BCAT1: variants seen among roughly 807,000 people sequenced by gnomAD.
BCAT1 encodes the protein branched chain amino acid transaminase 1.
BCAT1 carries 48 observed loss-of-function variants against 52.4 expected under a neutral mutation model. The observed-to-expected ratio is 0.92, with a 90% CI of 0.73 to 1.16. The LOEUF (loss-of-function observed/expected upper bound fraction) is 1.16. BCAT1 is among the 50% of genes most tolerant of loss of function. The pLI, the probability that BCAT1 is intolerant of heterozygous loss-of-function variation, is 0.00. For missense variants in BCAT1, 451 were observed against 457.1 expected (o/e 0.99, Z 0.12); for synonymous variants, 167 against 161.3 (o/e 1.04, Z -0.27).
At chr12:24,860,319 G>A (rs1179953795) in intron 5 of BCAT1, among the ~76,000 whole-genome samples, 1 of 152,088 alleles carries the variant, frequency 6.6e-6, no homozygotes, top group Non-Finnish European at 1.5e-5. Flanking sequence ...ACTAATAAAA[G>A]AACAAAATAA....
At chr12:24,837,463 G>C (rs181184509) in intron 7 of BCAT1, among the ~76,000 whole-genome samples, 2 of 128,670 alleles carry the variant, frequency 1.6e-5, no homozygotes, top group Non-Finnish European at 3.3e-5. Flanking sequence ...TTTTTTTTAG[G>C]TTACCCAGGC....
At chr12:24,840,230 A>G (rs1024849100) in intron 7 of BCAT1, among the ~76,000 whole-genome samples, 10 of 152,204 alleles carry the variant, frequency 6.6e-5, no homozygotes, top group Non-Finnish European at 8.8e-5. Flanking sequence ...TCTGATTCAG[A>G]GTGTACTTAA....
At chr12:24,914,378 C>T (rs1020356154) in intron 1 of BCAT1, among the ~76,000 whole-genome samples, 1 of 152,136 alleles carries the variant, frequency 6.6e-6, no homozygotes, top group Non-Finnish European at 1.5e-5. Context: ...CTACTGTGCC[C>T]AGCGGGTGGA....
chr12:24,866,046 G>A (rs1941995713), intron 5 of BCAT1, among the ~76,000 whole-genome samples: 1 of 152,248 alleles, frequency 6.6e-6, no homozygotes, highest in Non-Finnish European at 1.5e-5. Context: ...GGCCGGAGCT[G>A]GCTCCCTCAG....
intron 1 of BCAT1, among the ~76,000 whole-genome samples, chr12:24,947,152 C>T (rs1016949821): frequency 6.8e-5 from 10 of 147,076 alleles, no homozygotes; most frequent in African/African-American, 2.3e-4. Context: ...CCCCACTAGG[C>T]CTCCCGTCTT....
chr12:24,859,625 A>C (rs1174490800), intron 5 of BCAT1, among the ~76,000 whole-genome samples: 1 of 151,710 alleles, frequency 6.6e-6, no homozygotes, highest in Non-Finnish European at 1.5e-5. Context: ...TCTCAAAAAA[A>C]AAAAAAAAAA....
chr12:24,833,247 G>A (rs778767776), intron 8 of BCAT1, among the ~76,000 whole-genome samples: 40 of 152,164 alleles, frequency 2.6e-4, no homozygotes, highest in African/African-American at 8.9e-4. Flanking sequence ...GGCCGGGCAC[G>A]GTGGCTCATG....
chr12:24,906,644 C>T (rs1039961980), intron 1 of BCAT1, among the ~76,000 whole-genome samples: 8 of 152,130 alleles, frequency 5.3e-5, no homozygotes, highest in African/African-American at 1.4e-4. Flanking sequence ...GGTGAAAGAA[C>T]GGGCATGGCT....
chr12:24,849,248 G>A (rs1288432510), intron 6 of BCAT1, among the ~76,000 whole-genome samples: 1 of 152,234 alleles, frequency 6.6e-6, no homozygotes, highest in African/African-American at 2.4e-5. Context: ...CTATGAGACT[G>A]GCCTGACAGA....
rs1252064706 is a variant in BCAT1 at position 24,816,795 on chromosome 12, A to T, written c.*1213T>A. The T allele has an allele frequency of 2.6e-6, 1 of 383,296 alleles. No homozygotes were observed. Among genetic ancestry groups the T allele is most frequent in the Non-Finnish European group, 4.6e-6 (1 of 216,388 alleles). 23.7% of individuals were successfully genotyped at this position (383,296 alleles called of 1,614,324 possible). On this transcript the variant is annotated 3_prime_UTR_variant, in exon 11 of 11. Transcript: ENST00000261192. ...TTTCAGGATGAAACTGTTACACCTC[A>T]GGTCATCAAGCATTAGATTCTCATA...
intron 8 of BCAT1, 136 bp downstream of exon 8, chr12:24,836,375 T>C (rs1489506849): frequency 1.3e-6 from 1 of 756,446 alleles, no homozygotes; most frequent in Non-Finnish European, 2.1e-6. Context: ...GAAGAATACT[T>C]TTCATTCACG....
chr12:24,905,392 G>A (rs536256935), intron 1 of BCAT1, among the ~76,000 whole-genome samples: 4 of 152,312 alleles, frequency 2.6e-5, no homozygotes, highest in South Asian at 4.1e-4. Flanking sequence ...TTCCACAGTA[G>A]GGGAGAGAAG....
chr12:24,899,006 A>T (rs1019727985), intron 2 of BCAT1, among the ~76,000 whole-genome samples: 2 of 152,214 alleles, frequency 1.3e-5, no homozygotes, highest in Non-Finnish European at 1.5e-5. Context: ...ATACTCTTTT[A>T]AAATCTAATA....
intron 1 of BCAT1, among the ~76,000 whole-genome samples, chr12:24,923,470 A>C (rs566784203): frequency 1.3e-5 from 2 of 152,318 alleles, no homozygotes; most frequent in Non-Finnish European, 2.9e-5. Flanking sequence ...GCTGGAGTGC[A>C]GTGGCACAAT....
chr12:24,882,667 T>C lies in BCAT1; in HGVS notation c.280-1256A>G, dbSNP rs549124638. On this transcript the variant is annotated intron_variant, in intron 3 of 10. Coordinates refer to ENST00000261192, the MANE Select transcript of BCAT1 (RefSeq NM_005504.7). ...TGAATGAAGTTCAGTGGCAAGATCT[T>C]GGCTCACTGCAACCTCTACCCCCTG... Among the ~76,000 whole-genome samples, 19 of 152,072 alleles carry C rather than the reference T, an allele frequency of 1.2e-4. No homozygotes were observed. The South Asian group carries it at 3.1e-3, about 25-fold the overall frequency.
At chr12:24,897,200 G>A (rs576578008) in intron 2 of BCAT1, among the ~76,000 whole-genome samples, 120 of 152,208 alleles carry the variant, frequency 7.9e-4, no homozygotes, top group African/African-American at 2.8e-3. Context: ...AGATGAGAGT[G>A]GGTGACAAGA....
upstream of BCAT1, chr12:24,949,266 G>A (rs183681482): frequency 3.2e-5 from 14 of 431,922 alleles, no homozygotes; most frequent in East Asian, 5.0e-4. Context: ...CACTCCCGGG[G>A]TGCAGGGCAG....
chr12:24,843,414 C>T (rs549883984), intron 6 of BCAT1, among the ~76,000 whole-genome samples: 37 of 152,170 alleles, frequency 2.4e-4, no homozygotes, highest in South Asian at 1.0e-3. Flanking sequence ...ACCAGCCCGG[C>T]CAACATGGTG....
chr12:24,944,387 C>T (rs1163967863), intron 1 of BCAT1, among the ~76,000 whole-genome samples: 2 of 152,190 alleles, frequency 1.3e-5, no homozygotes, highest in African/African-American at 4.8e-5. Context: ...GCCCTGTGAC[C>T]ATCCTGTGCA....
Sources: gnomAD v4.1 joint callset for allele counts (sites outside exome capture counted in the v4.1 genomes callset) on GRCh38, gnomAD v4.1.1 for gene constraint, MANE v1.5 for transcripts, NCBI Gene and HGNC (gene_info 2026-07-23, HGNC 2026-07-21) for gene names.